AGBL4: variants seen among roughly 807,000 people sequenced by gnomAD.
AGBL4 encodes the protein AGBL carboxypeptidase 4.
AGBL4 carries 58 observed loss-of-function variants against 66.4 expected under a neutral mutation model. The observed-to-expected ratio is 0.87, with a 90% CI of 0.71 to 1.09. The LOEUF (loss-of-function observed/expected upper bound fraction) is 1.09, where lower values mean the gene tolerates loss of function less well. Ranked by LOEUF, AGBL4 falls within the 50% of genes least tolerant of loss-of-function variation. AGBL4 has a pLI of 0.00. For synonymous variants in AGBL4, 234 were observed against 222.9 expected (o/e 1.05, Z -0.44); for missense variants, 579 against 631.0 (o/e 0.92, Z 0.88).
At chr1:49,768,827 A>T (rs1180094276) in intron 2 of AGBL4, among the ~76,000 whole-genome samples, 2 of 152,312 alleles carry the variant, frequency 1.3e-5, no homozygotes, top group African/African-American at 4.8e-5. Flanking sequence ...TAGTTTTAGG[A>T]TATAAAATAA....
chr1:49,674,327 A>G (rs1214217153), intron 3 of AGBL4, among the ~76,000 whole-genome samples: 8 of 151,802 alleles, frequency 5.3e-5, no homozygotes, highest in Non-Finnish European at 8.8e-5. Context: ...CCTATGTTGA[A>G]AAACCTCTAC....
intron 5 of AGBL4, among the ~76,000 whole-genome samples, chr1:48,898,450 C>T (rs534451862): frequency 5.9e-5 from 9 of 152,222 alleles, no homozygotes; most frequent in African/African-American, 1.9e-4. Context: ...TAGATTTAAG[C>T]CTTTAATCCA....
chr1:49,911,729 C>T (rs1441404248), intron 1 of AGBL4, among the ~76,000 whole-genome samples: 3 of 152,154 alleles, frequency 2.0e-5, no homozygotes, highest in African/African-American at 7.2e-5. Flanking sequence ...GTCCCAGTCC[C>T]CTAAGAGGCT....
At chr1:49,472,094 T>C (rs897839303) in intron 3 of AGBL4, 1 of 152,062 alleles carries the variant, frequency 6.6e-6, no homozygotes, top group Non-Finnish European at 1.5e-5. Flanking sequence ...TGCCCAGCAG[T>C]AACAAGGGAC....
At chr1:49,591,786 C>T (rs919077441) in intron 3 of AGBL4, among the ~76,000 whole-genome samples, 3 of 152,086 alleles carry the variant, frequency 2.0e-5, no homozygotes, top group Non-Finnish European at 4.4e-5. Context: ...TAAGGCTGCA[C>T]ACCTACAACC....
intron 3 of AGBL4, among the ~76,000 whole-genome samples, chr1:49,526,982 A>G (rs748431370): frequency 1.3e-5 from 2 of 152,190 alleles, no homozygotes; most frequent in Non-Finnish European, 2.9e-5. Context: ...TTGAAGAAAA[A>G]GCAAACATTA....
At chr1:48,616,409 T>A (rs985373822) in intron 9 of AGBL4, among the ~76,000 whole-genome samples, 12 of 152,118 alleles carry the variant, frequency 7.9e-5, no homozygotes, top group Admixed American at 6.5e-4. Flanking sequence ...TTTTCTAAGG[T>A]TATACAACCA....
At chr1:48,768,694 G>A (rs1004490427) in intron 6 of AGBL4, among the ~76,000 whole-genome samples, 4 of 152,160 alleles carry the variant, frequency 2.6e-5, no homozygotes, top group African/African-American at 9.7e-5. Flanking sequence ...ATGTCAGAGA[G>A]CCTAATTTGG....
At chr1:48,671,332 T>G (rs1279426704) in intron 6 of AGBL4, among the ~76,000 whole-genome samples, 2 of 152,368 alleles carry the variant, frequency 1.3e-5, no homozygotes, top group South Asian at 2.1e-4. Context: ...TGCCAAACTT[T>G]GGGCTGGTCT....
intron 10 of AGBL4, among the ~76,000 whole-genome samples, chr1:48,589,080 A>G (rs1644873943): frequency 6.6e-6 from 1 of 152,176 alleles, no homozygotes; most frequent in Non-Finnish European, 1.5e-5. Flanking sequence ...CTTTTCTGAA[A>G]TTGCAGTGGT....
chr1:49,883,972 T>TA (rs1177704010), intron 1 of AGBL4, among the ~76,000 whole-genome samples: 1 of 151,984 alleles, frequency 6.6e-6, no homozygotes, highest in Non-Finnish European at 1.5e-5. Flanking sequence ...ATAAAACCAT[T>TA]AAAAATAATG....
At chr1:49,369,692 G>T (rs1644303620) in intron 3 of AGBL4, among the ~76,000 whole-genome samples, 4 of 152,072 alleles carry the variant, frequency 2.6e-5, no homozygotes, top group Admixed American at 2.6e-4. Flanking sequence ...CAGTGTATGG[G>T]TATATGGAAA....
intron 6 of AGBL4, among the ~76,000 whole-genome samples, chr1:48,781,294 A>C (rs950570113): frequency 5.3e-5 from 8 of 152,184 alleles, no homozygotes; most frequent in African/African-American, 1.7e-4. Flanking sequence ...GGGATGCTTA[A>C]AGAGATACCC....
intron 4 of AGBL4, among the ~76,000 whole-genome samples, chr1:49,136,378 T>G (rs997762355): frequency 6.6e-6 from 1 of 152,190 alleles, no homozygotes; most frequent in Non-Finnish European, 1.5e-5. Flanking sequence ...TTAAGGAATT[T>G]GCCTAAAGCT....
intron 5 of AGBL4, among the ~76,000 whole-genome samples, chr1:48,884,777 T>C (rs1265221704): frequency 6.6e-6 from 1 of 152,086 alleles, no homozygotes. Flanking sequence ...TTATAATTAC[T>C]TAGACAAGCA....
chr1:49,729,834 G>A (rs1013422917), intron 2 of AGBL4, among the ~76,000 whole-genome samples: 1 of 152,124 alleles, frequency 6.6e-6, no homozygotes, highest in Admixed American at 6.6e-5. Flanking sequence ...ACAGACAGCA[G>A]CGACCCATCC....
At chr1:49,488,113 G>A (rs1321068928) in intron 3 of AGBL4, among the ~76,000 whole-genome samples, 3 of 151,764 alleles carry the variant, frequency 2.0e-5, no homozygotes, top group Non-Finnish European at 4.4e-5. Context: ...AAATATTTAG[G>A]TGTACTGAAT....
chr1:49,149,769 G>A (rs2148116393), intron 4 of AGBL4, among the ~76,000 whole-genome samples: 1 of 152,294 alleles, frequency 6.6e-6, no homozygotes, highest in Non-Finnish European at 1.5e-5. Context: ...GCTGAGGCAA[G>A]AAGACCTATA....
chr1:49,282,182 T>C (rs745636368), intron 3 of AGBL4, among the ~76,000 whole-genome samples: 74 of 152,302 alleles, frequency 4.9e-4, no homozygotes, highest in Middle Eastern at 3.4e-3. Flanking sequence ...ACCAGAGGCG[T>C]TCTGTGTTGA....
Sources: allele counts gnomAD v4.1 joint callset (sites outside exome capture counted in the v4.1 genomes callset), GRCh38; gene constraint gnomAD v4.1.1; transcripts MANE v1.5; gene names NCBI Gene and HGNC (gene_info 2026-07-23, HGNC 2026-07-21).